Variants in MYO5B observed in about 807,000 individuals in gnomAD.
The protein encoded by MYO5B is myosin VB, also known as unconventional myosin-Vb.
MYO5B carries 143 observed loss-of-function variants against 229.3 expected under a neutral mutation model. The ratio of observed to expected loss-of-function variants is 0.62; its 90% CI spans 0.54 to 0.72. The LOEUF (loss-of-function observed/expected upper bound fraction) is 0.72. MYO5B is among the 30% of genes least tolerant of loss of function. The pLI, the probability that MYO5B is intolerant of heterozygous loss-of-function variation, is 0.00. For missense variants in MYO5B, 2,321 were observed against 2,331.0 expected, an observed-to-expected ratio of 1.00 and a Z score of 0.09; for synonymous variants, 918 against 885.2, an observed-to-expected ratio of 1.04 and a Z score of -0.66.
chr18:50,070,188 A>AT (rs913816802), intron 1 of MYO5B, among the ~76,000 whole-genome samples: 9 of 151,352 alleles, frequency 5.9e-5, no homozygotes, highest in Admixed American at 2.0e-4. Flanking sequence ...CATCTGCCTA[A>AT]TTTTTTTGTA....
intron 1 of MYO5B, among the ~76,000 whole-genome samples, chr18:50,161,935 C>T (rs777084238): frequency 6.6e-6 from 1 of 152,106 alleles, no homozygotes; most frequent in Non-Finnish European, 1.5e-5. Flanking sequence ...GGCTGAGGAA[C>T]CTAGCCAAAG....
chr18:50,018,144 T>C lies in MYO5B; in HGVS notation c.456-16733A>G, dbSNP rs371094210. 1.1e-3 allele frequency among the ~76,000 whole-genome samples: 172 copies of C among 152,308 alleles called. 4 individuals are homozygous for C. The East Asian group carries it at 0.028, about 24-fold the overall frequency. On this transcript the variant is annotated intron_variant, in intron 4 of 39. Transcript: ENST00000285039. ...GTCCAGGCTGGATGGCTATTCACAGTTGTGGTCATAGCTCACCACAGCCTA... is the reference window on the plus strand; with the variant it reads ...GTCCAGGCTGGATGGCTATTCACAGCTGTGGTCATAGCTCACCACAGCCTA...
intron 10 of MYO5B, among the ~76,000 whole-genome samples, chr18:49,967,929 T>C (rs992946144): frequency 2.0e-5 from 3 of 152,318 alleles, no homozygotes; most frequent in Non-Finnish European, 4.4e-5. Flanking sequence ...GTTATTCTTC[T>C]TGAGGACCTA....
intron 9 of MYO5B, among the ~76,000 whole-genome samples, chr18:49,975,728 C>T (rs2025742735): frequency 6.6e-6 from 1 of 152,140 alleles, no homozygotes; most frequent in African/African-American, 2.4e-5. Flanking sequence ...TCTTTTCCTA[C>T]AGGCAAAAAG....
At chr18:49,853,679 G>A in intron 30 of MYO5B, 32 bp from the exon 31 acceptor site, 1 of 1,599,574 alleles carries the variant, frequency 6.3e-7, no homozygotes, top group Non-Finnish European at 8.5e-7. Flanking sequence ...TGAGCACGTG[G>A]CCCAGGCCAG....
intron 21 of MYO5B, among the ~76,000 whole-genome samples, chr18:49,897,043 C>A (rs755736913): frequency 2.3e-4 from 35 of 152,160 alleles, no homozygotes; most frequent in Non-Finnish European, 4.7e-4. Flanking sequence ...CTATGGAGAA[C>A]CCTGGAGAGT....
chr18:50,009,435 G>A (rs916124888), intron 4 of MYO5B, among the ~76,000 whole-genome samples: 4 of 152,014 alleles, frequency 2.6e-5, no homozygotes, highest in African/African-American at 7.3e-5. Context: ...TCAAACAAGC[G>A]AAATGAAACA....
chr18:50,163,318 C>T lies in MYO5B; in HGVS notation c.27+31449G>A, dbSNP rs559530552. 1.7e-3 allele frequency among the ~76,000 whole-genome samples: 266 copies of T among 152,350 alleles called. 1 individual carries two copies. The highest frequency in any genetic ancestry group is 6.8e-3 in the Middle Eastern group (2 of 294). ...CAGTGGGGAGAGAGCTCGGCTCGTT[C>T]ATGTCAGGGTGGTACCCTCCACTCT... On this transcript the variant is annotated intron_variant, in intron 1 of 39. Coordinates refer to ENST00000285039, the MANE Select transcript of MYO5B (RefSeq NM_001080467.3).
intron 22 of MYO5B, among the ~76,000 whole-genome samples, chr18:49,884,053 A>G (rs1281676660): frequency 2.0e-5 from 3 of 152,208 alleles, no homozygotes; most frequent in African/African-American, 7.2e-5. Context: ...TGGATTAGGC[A>G]CAAGCCAAAT....
chr18:49,934,340 T>C (rs545191343), intron 16 of MYO5B, among the ~76,000 whole-genome samples: 6 of 152,338 alleles, frequency 3.9e-5, no homozygotes, highest in South Asian at 2.1e-4. Flanking sequence ...TATCATGACA[T>C]GGTCAGTATT....
chr18:49,958,007 C>A (rs992275651), intron 12 of MYO5B, among the ~76,000 whole-genome samples: 1 of 152,180 alleles, frequency 6.6e-6, no homozygotes, highest in Non-Finnish European at 1.5e-5. Flanking sequence ...CCAGCCACCC[C>A]CAGTGCTGCT....
intron 12 of MYO5B, among the ~76,000 whole-genome samples, chr18:49,955,325 A>G (rs1422177799): frequency 6.6e-6 from 1 of 152,154 alleles, no homozygotes; most frequent in Non-Finnish European, 1.5e-5. Flanking sequence ...CGTAACCACC[A>G]CTCAAATTGT....
At position 49,980,491 on chromosome 18, in the gene MYO5B, T is replaced by C. The variant is rs1233571014; in HGVS notation, c.1009A>G (p.Ser337Gly). The change falls in exon 9 of 40, where the codon AGT becomes GGT. Residue 337 changes from serine to glycine, a missense_variant. Ser to Gly is a moderately conservative substitution (Grantham distance 56). Transcript: ENST00000285039. ...TCACGCTCAGCCTGAATCGCCACACTTCCAAGGTGCAAGATAGAAGCAATT... is the reference window on the plus strand; with the variant it reads ...TCACGCTCAGCCTGAATCGCCACACCTCCAAGGTGCAAGATAGAAGCAATT... ...KIIASILHLGSVAIQAERDGD... is the reference protein window; with the variant it reads ...KIIASILHLGGVAIQAERDGD... 6.2e-7 allele frequency: 1 copy of C among 1,614,038 alleles called. No individual in the cohort carries two copies. Among genetic ancestry groups the C allele is most frequent in the Non-Finnish European group, 8.5e-7 (1 of 1,179,940 alleles).
chr18:50,142,790 T>C (rs985622643), intron 1 of MYO5B, among the ~76,000 whole-genome samples: 2 of 152,186 alleles, frequency 1.3e-5, no homozygotes, highest in Non-Finnish European at 2.9e-5. Context: ...AGTCTAACAA[T>C]GACAACAGCA....
At chr18:50,132,146 C>G (rs941364767) in intron 1 of MYO5B, among the ~76,000 whole-genome samples, 1 of 152,210 alleles carries the variant, frequency 6.6e-6, no homozygotes, top group African/African-American at 2.4e-5. Flanking sequence ...AAATCAAGAA[C>G]AAAACACAAG....
intron 1 of MYO5B, among the ~76,000 whole-genome samples, chr18:50,147,497 C>T (rs1195626989): frequency 1.3e-5 from 2 of 152,202 alleles, no homozygotes; most frequent in South Asian, 4.1e-4. Context: ...AAGAAATTCA[C>T]TCATTCATTC....
chr18:49,841,112 T>C (rs978081334), intron 35 of MYO5B, among the ~76,000 whole-genome samples: 1 of 152,226 alleles, frequency 6.6e-6, no homozygotes, highest in South Asian at 2.1e-4. Context: ...TCATGGGTTA[T>C]GCAGACTCTA....
rs116403315 is a variant in MYO5B at position 49,912,378 on chromosome 18, G to A, written c.2091-205C>T. On this transcript the variant is annotated intron_variant, in intron 17 of 39. Transcript: ENST00000285039. ...TGTGAATGTGATTCTTGGAATTGTG[G>A]CTGGAGGGCTGGAAAAAAGGTGAGT... 3.2e-3 allele frequency among the ~76,000 whole-genome samples: 483 copies of A among 152,280 alleles called. 6 individuals carry two copies. The highest frequency in any genetic ancestry group is 0.011 in the African/African-American group (456 of 41,550).
At chr18:49,974,819 A>ACACACACACACACACACACACACACACC (rs1340944787) in intron 9 of MYO5B, among the ~76,000 whole-genome samples, 1 of 151,678 alleles carries the variant, frequency 6.6e-6, no homozygotes, top group Non-Finnish European at 1.5e-5. Context: ...ACACACACAC[A>ACACACACACACACACACACACACACACC]CACACACACT....
Sources: allele counts gnomAD v4.1 joint callset (sites outside exome capture counted in the v4.1 genomes callset), GRCh38; gene constraint gnomAD v4.1.1; transcripts MANE v1.5; gene names NCBI Gene and HGNC (gene_info 2026-07-23, HGNC 2026-07-21).